VDR: variants seen among roughly 807,000 people sequenced by gnomAD.
VDR encodes vitamin D3 receptor.
A neutral mutation model predicts 39.7 loss-of-function variants in VDR; 19 were observed. The observed-to-expected ratio is 0.48, with a 90% CI of 0.33 to 0.70. VDR has a LOEUF of 0.70. Among genes scored for constraint, VDR ranks in the 30% least tolerant of loss-of-function variants. The pLI is 0.02. For missense variants in VDR, 442 were observed against 570.5 expected (o/e 0.77, Z 2.29); for synonymous variants, 242 against 215.8 (o/e 1.12, Z -1.07).
At chr12:47,873,497 G>T (rs1236327965) in intron 3 of VDR, among the ~76,000 whole-genome samples, 2 of 150,412 alleles carry the variant, frequency 1.3e-5, no homozygotes, top group Non-Finnish European at 3.0e-5. Context: ...GAGTAGCTGG[G>T]ACTACAGGCG....
At chr12:47,899,141 G>T (rs1946515242) in intron 1 of VDR, among the ~76,000 whole-genome samples, 1 of 152,220 alleles carries the variant, frequency 6.6e-6, no homozygotes, top group Admixed American at 6.5e-5. Flanking sequence ...AAATGACAGA[G>T]AAACCAATTT....
In VDR at chr12:47,875,336, GCTGT is replaced by G. The variant is rs372332393; in HGVS notation, c.146+3628_146+3631del. Among the ~76,000 whole-genome samples the G allele has an allele frequency of 1.3e-4, 20 of 152,352 alleles. No individual in the cohort carries two copies. In the East Asian group the frequency reaches 3.5e-3, roughly 26 times the overall value. On this transcript the variant is annotated intron_variant, in intron 3 of 9. Coordinates refer to ENST00000549336, the MANE Select transcript of VDR (RefSeq NM_000376.3). ...GCTAGTGACCCAATATTCAAGCAAT[GCTGT>G]CTGTCAATAACTATCAGGAAATGGT...
At chr12:47,884,783 G>A (rs1252689637) in intron 1 of VDR, among the ~76,000 whole-genome samples, 1 of 152,120 alleles carries the variant, frequency 6.6e-6, no homozygotes, top group Non-Finnish European at 1.5e-5. Context: ...CCTGGGGATT[G>A]TTCTTTTCCT....
intron 3 of VDR, among the ~76,000 whole-genome samples, chr12:47,870,611 C>A (rs1234627261): frequency 1.3e-5 from 2 of 152,280 alleles, no homozygotes; most frequent in South Asian, 4.1e-4. Flanking sequence ...CTCACAAAAG[C>A]ATCAAGAGCC....
intron 2 of VDR, 71 bp downstream of exon 2, chr12:47,882,623 G>GGCCCGGGGCCCCCCCCC: frequency 1.8e-6 from 1 of 543,280 alleles, no homozygotes; most frequent in East Asian, 3.6e-5. Flanking sequence ...ACCTTCTTAT[G>GGCCCGGGGCCCCCCCCC]CCCCTCCCCC....
chr12:47,856,238 T>C (rs540382100), intron 6 of VDR, among the ~76,000 whole-genome samples: 2 of 152,322 alleles, frequency 1.3e-5, no homozygotes, highest in Non-Finnish European at 2.9e-5. Context: ...AATTAGGCAA[T>C]GCCTATGAGG....
At chr12:47,882,623 G>GCCCCCGGCCCCCCCCCC in intron 2 of VDR, 71 bp downstream of exon 2, 1 of 543,282 alleles carries the variant, frequency 1.8e-6, no homozygotes, top group East Asian at 3.6e-5. Context: ...ACCTTCTTAT[G>GCCCCCGGCCCCCCCCCC]CCCCTCCCCC....
chr12:47,878,256 A>G (rs1207265264), intron 3 of VDR, among the ~76,000 whole-genome samples: 2 of 152,112 alleles, frequency 1.3e-5, no homozygotes, highest in African/African-American at 4.8e-5. Context: ...ATTTCTCATG[A>G]TTCCCAGTTC....
At chr12:47,854,864 G>A (rs181993001) in intron 7 of VDR, among the ~76,000 whole-genome samples, 4 of 152,258 alleles carry the variant, frequency 2.6e-5, no homozygotes, top group African/African-American at 4.8e-5. Context: ...TTCTGATTTC[G>A]CAGGTCTAGG....
chr12:47,844,940 G>A lies in VDR; in HGVS notation c.1090C>T (p.Gln364Ter), dbSNP rs767836610. 6.2e-7 allele frequency: 1 copy of A among 1,614,040 alleles called. No individual in the cohort carries two copies. The highest frequency in any genetic ancestry group is 1.1e-5 in the South Asian group (1 of 91,086). ...AIQDRLSNTLQTYIRCRHPPP... is the reference protein window; with the variant it reads ...AIQDRLSNTL ...GGGTGGCGGCAGCGGATGTACGTCT[G>A]CAGTGTGTTGGACAGGCGGTCCTGG... is the stretch of plus-strand genomic sequence containing the variant. The change falls in exon 10 of 10, where the codon CAG (glutamine) becomes TAG (stop). Residue 364 changes from glutamine (Q) to a stop codon, truncating the protein, a stop_gained. Coordinates refer to ENST00000549336, the MANE Select transcript of VDR (RefSeq NM_000376.3). LOFTEE classifies it high-confidence loss of function.
intron 3 of VDR, among the ~76,000 whole-genome samples, chr12:47,873,351 CTTTTTTTTT>C (rs71077177): frequency 0.012 from 1,170 of 98,488 alleles, 39 homozygotes; most frequent in African/African-American, 0.043. Flanking sequence ...AACCTGTTTT[CTTTTTTTTT>C]TTTTTTTTTT....
At chr12:47,876,219 C>CTGTGTG (rs34365014) in intron 3 of VDR, among the ~76,000 whole-genome samples, 11,204 of 150,360 alleles carry the variant, frequency 0.075, 573 homozygotes, top group Non-Finnish European at 0.11. Context: ...TGAAGGTTGA[C>CTGTGTG]TGTGTGTGTG....
intron 3 of VDR, among the ~76,000 whole-genome samples, chr12:47,867,277 T>C (rs1945756871): frequency 6.6e-6 from 1 of 152,076 alleles, no homozygotes; most frequent in African/African-American, 2.4e-5. Context: ...TCACTTGAAC[T>C]TGGGAGACGG....
chr12:47,880,833 A>G (rs1946132685), intron 2 of VDR, among the ~76,000 whole-genome samples: 1 of 147,828 alleles, frequency 6.8e-6, no homozygotes, highest in African/African-American at 2.5e-5. Flanking sequence ...TATATATAAT[A>G]TATACATTAA....
intron 3 of VDR, among the ~76,000 whole-genome samples, chr12:47,866,407 T>G (rs1945738355): frequency 6.6e-6 from 1 of 152,198 alleles, no homozygotes; most frequent in Non-Finnish European, 1.5e-5. Context: ...AGAAACCTTT[T>G]TAAATATTGA....
chr12:47,889,387 C>G (rs1378424864), intron 1 of VDR, among the ~76,000 whole-genome samples: 1 of 152,110 alleles, frequency 6.6e-6, no homozygotes, highest in East Asian at 2.0e-4. Flanking sequence ...ATGCAGACTG[C>G]AGCAGGTCCT....
intron 1 of VDR, among the ~76,000 whole-genome samples, chr12:47,884,989 G>A (rs1946226176): frequency 6.6e-6 from 1 of 152,112 alleles, no homozygotes; most frequent in South Asian, 2.1e-4. Flanking sequence ...AAGCCTATAG[G>A]AAAGTGGGGC....
At chr12:47,863,066 G>A (rs1945657404) in intron 4 of VDR, among the ~76,000 whole-genome samples, 1 of 152,172 alleles carries the variant, frequency 6.6e-6, no homozygotes, top group Non-Finnish European at 1.5e-5. Context: ...TGAGGGATGG[G>A]GTGGACATCG....
At chr12:47,900,425 A>C (rs1946538050) in intron 1 of VDR, among the ~76,000 whole-genome samples, 1 of 152,230 alleles carries the variant, frequency 6.6e-6, no homozygotes, top group Admixed American at 6.5e-5. Flanking sequence ...AGTTCCATGC[A>C]GGTTAAGAGC....
Sources: allele counts gnomAD v4.1 joint callset (sites outside exome capture counted in the v4.1 genomes callset), GRCh38; gene constraint gnomAD v4.1.1; transcripts MANE v1.5; gene names NCBI Gene and HGNC (gene_info 2026-07-23, HGNC 2026-07-21).